KIRREL3: variants seen among roughly 807,000 people sequenced by gnomAD.
The protein encoded by KIRREL3 is kirre like nephrin family adhesion molecule 3.
In KIRREL3, 36 loss-of-function variants were observed where a neutral mutation model predicts 89.7. That is an observed-to-expected ratio of 0.40 (90% CI 0.31 to 0.53). KIRREL3 has a LOEUF of 0.53. KIRREL3 is among the 20% of genes least tolerant of loss of function. The pLI, the probability that KIRREL3 is intolerant of heterozygous loss-of-function variation, is 0.49. For synonymous variants in KIRREL3, 445 were observed against 441.4 expected (o/e 1.01, Z -0.10); for missense variants, 864 against 1,056.6 (o/e 0.82, Z 2.53).
rs1281643131 is a variant in KIRREL3 at position 126,652,513 on chromosome 11, C to A, written c.56-89601G>T. On this transcript the variant is annotated intron_variant, in intron 1 of 16. Transcript: ENST00000525144. The surrounding 1 kb of genome is among the most constrained non-coding windows in gnomAD (Gnocchi z 4.9). ...CCTATGGTGTAGAGAATATCATTAT[C>A]TCCACTTCACAGGTCAGGGGGCTGT... Among the ~76,000 whole-genome samples the A allele has an allele frequency of 6.6e-6, 1 of 152,152 alleles. No homozygotes were observed. The highest frequency in any genetic ancestry group is 1.5e-5 in the Non-Finnish European group (1 of 68,024).
Position 126,697,338 on chromosome 11 carries a change from G to A in KIRREL3, c.56-134426C>T, listed in dbSNP as rs552250717. On this transcript the variant is annotated intron_variant, in intron 1 of 16. Coordinates refer to ENST00000525144, the MANE Select transcript of KIRREL3 (RefSeq NM_032531.4). This position sits in a 1 kb window ranked among gnomAD's most constrained non-coding sequence, Gnocchi z 4.2. Reference sequence around the variant, plus strand: ...CTTGCCGGCTCACTGCACAGGGTGGGCACTTAGTCCCTGACTTGGACAAGC... The same window carrying A: ...CTTGCCGGCTCACTGCACAGGGTGGACACTTAGTCCCTGACTTGGACAAGC... Among the ~76,000 whole-genome samples the A allele has an allele frequency of 1.2e-4, 18 of 152,304 alleles. No individual in the cohort carries two copies. Among genetic ancestry groups the A allele is most frequent in the African/African-American group, 3.9e-4 (16 of 41,548 alleles).
intron 2 of KIRREL3, among the ~76,000 whole-genome samples, chr11:126,538,258 T>A (rs898025752): frequency 6.6e-6 from 1 of 152,240 alleles, no homozygotes; most frequent in African/African-American, 2.4e-5. Flanking sequence ...CTTTTATTAG[T>A]GACCAATTGG....
chr11:126,622,492 A>T lies in KIRREL3; in HGVS notation c.56-59580T>A, dbSNP rs1943613231. 6.6e-6 allele frequency among the ~76,000 whole-genome samples: 1 copy of T among 152,000 alleles called. No individual in the cohort carries two copies. Among genetic ancestry groups the T allele is most frequent in the South Asian group, 2.1e-4 (1 of 4,808 alleles). ...GCAATTGTGTCCCAAGATCTGACAC[A>T]CTCTTATCAGGGCCCCAGCAAATAA... is the stretch of plus-strand genomic sequence containing the variant. On this transcript the variant is annotated intron_variant, in intron 1 of 16. Coordinates refer to ENST00000525144, the MANE Select transcript of KIRREL3 (RefSeq NM_032531.4). This position sits in a 1 kb window ranked among gnomAD's most constrained non-coding sequence, Gnocchi z 5.2.
rs558230733 is a variant in KIRREL3 at position 126,620,209 on chromosome 11, G to A, written c.56-57297C>T. Among the ~76,000 whole-genome samples the A allele has an allele frequency of 5.4e-4, 82 of 152,178 alleles. No homozygotes were observed. The highest frequency in any genetic ancestry group is 1.9e-3 in the African/African-American group (80 of 41,522). ...AAAATTTTTCCAATCAGCTATTATA[G>A]TTCCCTTTAGTTCTTTCTAAACTTC... On this transcript the variant is annotated intron_variant, in intron 1 of 16. Coordinates refer to ENST00000525144, the MANE Select transcript of KIRREL3 (RefSeq NM_032531.4). This position sits in a 1 kb window ranked among gnomAD's most constrained non-coding sequence, Gnocchi z 4.8.
intron 1 of KIRREL3, among the ~76,000 whole-genome samples, chr11:126,604,610 T>C (rs115648182): frequency 0.018 from 2,756 of 152,286 alleles, 73 homozygotes; most frequent in African/African-American, 0.063. Context: ...TTCTGATCCG[T>C]TGGCTTACAG....
Position 126,594,151 on chromosome 11 carries a change from A to AAGTAAGCTGTGG in KIRREL3, c.56-31240_56-31239insCCACAGCTTACT, listed in dbSNP as rs1591792689. 6.6e-6 allele frequency among the ~76,000 whole-genome samples: 1 copy of AAGTAAGCTGTGG among 152,062 alleles called. No homozygotes were observed. The highest frequency in any genetic ancestry group is 1.9e-4 in the East Asian group (1 of 5,180). ...CCTCCTGGTCACAGGTTCTGCCCTG[A>AAGTAAGCTGTGG]GATCTGAAGTAAGCTGTGGGACTCA... On this transcript the variant is annotated intron_variant, in intron 1 of 16. Transcript: ENST00000525144. This position sits in a 1 kb window ranked among gnomAD's most constrained non-coding sequence, Gnocchi z 5.0.
rs1957440671 is a variant in KIRREL3 at position 126,489,049 on chromosome 11, C to G, written c.434-15583G>C. 6.6e-6 allele frequency among the ~76,000 whole-genome samples: 1 copy of G among 152,158 alleles called. No individual in the cohort carries two copies. The highest frequency in any genetic ancestry group is 1.5e-5 in the Non-Finnish European group (1 of 68,026). On this transcript the variant is annotated intron_variant, in intron 4 of 16. Coordinates refer to ENST00000525144, the MANE Select transcript of KIRREL3 (RefSeq NM_032531.4). The surrounding 1 kb of genome is among the most constrained non-coding windows in gnomAD (Gnocchi z 5.5). Reference sequence around the variant, plus strand: ...TGTTCAGTGTTTGCTCAAATGTGCCCTCTGACCTCCACTAGACTGCGCTTA... The same window carrying G: ...TGTTCAGTGTTTGCTCAAATGTGCCGTCTGACCTCCACTAGACTGCGCTTA...
rs931786728 is a variant in KIRREL3 at position 126,508,210 on chromosome 11, AGT to A, written c.433+13103_433+13104del. ...ATAAACACCTGGATCGACTTGTGAA[AGT>A]GTGACACATTTTTTGGAAGCCAGTT... is the stretch of plus-strand genomic sequence containing the variant. On this transcript the variant is annotated intron_variant, in intron 4 of 16. Coordinates refer to ENST00000525144, the MANE Select transcript of KIRREL3 (RefSeq NM_032531.4). This position sits in a 1 kb window ranked among gnomAD's most constrained non-coding sequence, Gnocchi z 4.9. 8.5e-5 allele frequency among the ~76,000 whole-genome samples: 13 copies of A among 152,206 alleles called. No individual in the cohort carries two copies. The highest frequency in any genetic ancestry group is 8.8e-5 in the Non-Finnish European group (6 of 68,038).
rs1053772507 is a variant in KIRREL3 at position 126,446,239 on chromosome 11, CTCTTTCTTTCTCTTTCTTT to C, written c.1125+501_1125+519del. 9.4e-5 allele frequency among the ~76,000 whole-genome samples: 13 copies of C among 137,730 alleles called. No homozygotes were observed. In the East Asian group the frequency reaches 1.8e-3, roughly 19 times the overall value. 90.4% of individuals were successfully genotyped at this position (137,730 alleles called of 152,430 possible). Reference sequence around the variant, plus strand: ...CTTTATTTGGGGGAAGTTTAAAAGGCTCTTTCTTTCTCTTTCTTTTCTTTCTCTCTCTTTCTTTTCTTTC... The same window carrying C: ...CTTTATTTGGGGGAAGTTTAAAAGGCTCTTTCTCTCTCTTTCTTTTCTTTC... On this transcript the variant is annotated intron_variant, in intron 9 of 16. Coordinates refer to ENST00000525144, the MANE Select transcript of KIRREL3 (RefSeq NM_032531.4).
rs1472881883 is a variant in KIRREL3 at position 126,571,772 on chromosome 11, G to A, written c.56-8860C>T. ...GTTTGTGAGAGGGGTGGGGCGGGGG[G>A]ATGTTAAATAATGTTGGTTAAAGAA... On this transcript the variant is annotated intron_variant, in intron 1 of 16. Coordinates refer to ENST00000525144, the MANE Select transcript of KIRREL3 (RefSeq NM_032531.4). The surrounding 1 kb of genome is among the most constrained non-coding windows in gnomAD (Gnocchi z 7.7). Among the ~76,000 whole-genome samples, 2 of 152,084 alleles carry A rather than the reference G, an allele frequency of 1.3e-5. No homozygotes were observed. Among genetic ancestry groups the A allele is most frequent in the Non-Finnish European group, 2.9e-5 (2 of 68,028 alleles).
rs192633583 is a variant in KIRREL3 at position 126,481,660 on chromosome 11, C to T, written c.434-8194G>A. Among the ~76,000 whole-genome samples, 251 of 152,340 alleles carry T rather than the reference C, an allele frequency of 1.6e-3. 2 individuals are homozygous for T. The highest frequency in any genetic ancestry group is 5.8e-3 in the African/African-American group (240 of 41,574). ...TAGCCTGGTTAACCCTCTGAAGTAT[C>T]GCTCAGATTTGTCTCTTTCCATTCC... On this transcript the variant is annotated intron_variant, in intron 4 of 16. Coordinates refer to ENST00000525144, the MANE Select transcript of KIRREL3 (RefSeq NM_032531.4).
chr11:126,911,982 C>CA (rs34548052), intron 1 of KIRREL3, among the ~76,000 whole-genome samples: 24,702 of 91,540 alleles, frequency 0.27, 4,196 homozygotes, highest in East Asian at 0.47. Flanking sequence ...GACTCTGTCT[C>CA]AAAAAAAAAA....
rs1767558767 is a variant in KIRREL3 at position 126,811,780 on chromosome 11, T to A, written c.55+188675A>T. Among the ~76,000 whole-genome samples, 2 of 151,996 alleles carry A rather than the reference T, an allele frequency of 1.3e-5. No homozygotes were observed. Among genetic ancestry groups the A allele is most frequent in the South Asian group, 4.2e-4 (2 of 4,812 alleles). ...TTTTGTACCTTTAGTAGAGATGGGG[T>A]TGCACTATATTGGCCAGGCTAGTCT... On this transcript the variant is annotated intron_variant, in intron 1 of 16. Transcript: ENST00000525144. This position sits in a 1 kb window ranked among gnomAD's most constrained non-coding sequence, Gnocchi z 4.3.
chr11:126,530,333 C>A lies in KIRREL3; in HGVS notation c.134-3646G>T, dbSNP rs912041424. On this transcript the variant is annotated intron_variant, in intron 2 of 16. Transcript: ENST00000525144. This position sits in a 1 kb window ranked among gnomAD's most constrained non-coding sequence, Gnocchi z 5.8. Reference sequence around the variant, plus strand: ...CTCTTGACCTCAAGTGATCCTCCCACCTCAGCCTCCTGAAGTGCTGGGATT... The same window carrying A: ...CTCTTGACCTCAAGTGATCCTCCCAACTCAGCCTCCTGAAGTGCTGGGATT... 2.6e-5 allele frequency among the ~76,000 whole-genome samples: 4 copies of A among 152,184 alleles called. No individual in the cohort carries two copies. The highest frequency in any genetic ancestry group is 7.2e-5 in the African/African-American group (3 of 41,444).
At chr11:126,827,256 C>T (rs2134472151) in intron 1 of KIRREL3, among the ~76,000 whole-genome samples, 1 of 152,116 alleles carries the variant, frequency 6.6e-6, no homozygotes, top group South Asian at 2.1e-4. Context: ...TGGTTCACTG[C>T]AATCTCTGCC....
chr11:126,698,261 G>A lies in KIRREL3; in HGVS notation c.56-135349C>T, dbSNP rs531854798. On this transcript the variant is annotated intron_variant, in intron 1 of 16. Transcript: ENST00000525144. ...ACTGCTACCACGTTCTCATGCTCAC[G>A]GAGAGATGAGGGGTTTTTGAAGATT... Among the ~76,000 whole-genome samples, 7 of 152,242 alleles carry A rather than the reference G, an allele frequency of 4.6e-5. No individual in the cohort carries two copies. In the South Asian group the frequency reaches 6.2e-4, roughly 14 times the overall value.
At chr11:126,753,215 C>T (rs1949391801) in intron 1 of KIRREL3, among the ~76,000 whole-genome samples, 1 of 152,220 alleles carries the variant, frequency 6.6e-6, no homozygotes, top group Admixed American at 6.5e-5. Context: ...CCGCTCCTTA[C>T]ACCAGAGGAG....
Position 126,664,404 on chromosome 11 carries a change from C to T in KIRREL3, c.56-101492G>A, listed in dbSNP as rs150597003. Among the ~76,000 whole-genome samples the T allele has an allele frequency of 5.4e-3, 818 of 152,236 alleles. 6 individuals carry two copies. Among genetic ancestry groups the T allele is most frequent in the African/African-American group, 0.019 (789 of 41,548 alleles). ...CAGAGAGTGAAGTCTAGTGAGACCA[C>T]ACGGACATGGACTTTCCAGTGTTGA... On this transcript the variant is annotated intron_variant, in intron 1 of 16. Transcript: ENST00000525144. This position sits in a 1 kb window ranked among gnomAD's most constrained non-coding sequence, Gnocchi z 5.4.
At chr11:126,957,098 C>G (rs1948943871) in intron 1 of KIRREL3, among the ~76,000 whole-genome samples, 1 of 152,234 alleles carries the variant, frequency 6.6e-6, no homozygotes, top group African/African-American at 2.4e-5. Flanking sequence ...CTGCTATTGA[C>G]TGATGAATTA....
Sources: allele counts gnomAD v4.1 joint callset (sites outside exome capture counted in the v4.1 genomes callset), GRCh38; gene constraint gnomAD v4.1.1; non-coding constraint Gnocchi (gnomAD v3.1); transcripts MANE v1.5; gene names NCBI Gene and HGNC (gene_info 2026-07-23, HGNC 2026-07-21).